Variants in EHF observed in about 807,000 individuals in gnomAD.
EHF encodes the protein ESE3 transcription factor.
EHF carries 14 observed loss-of-function variants against 45.1 expected under a neutral mutation model. That is an observed-to-expected ratio of 0.31 (90% confidence interval 0.21 to 0.49). The LOEUF is 0.49. EHF is among the 20% of genes least tolerant of loss of function. The pLI is 0.99. For synonymous variants in EHF, 136 were observed against 131.8 expected (o/e 1.03, Z -0.22); for missense variants, 282 against 371.4 (o/e 0.76, Z 1.98).
intron 2 of EHF, among the ~76,000 whole-genome samples, chr11:34,644,703 T>A (rs1297290440): frequency 6.6e-6 from 1 of 152,252 alleles, no homozygotes; most frequent in African/African-American, 2.4e-5. Context: ...CAGTCTCTCC[T>A]CTGAGGGTGT....
intron 1 of EHF, among the ~76,000 whole-genome samples, chr11:34,641,442 G>A (rs564395759): frequency 2.9e-4 from 44 of 152,274 alleles, no homozygotes; most frequent in Admixed American, 2.5e-3. Flanking sequence ...AAGAGGAGCC[G>A]TAGCTAAATT....
intron 1 of EHF, chr11:34,632,583 C>T: frequency 6.5e-7 from 1 of 1,535,578 alleles, no homozygotes; most frequent in Non-Finnish European, 8.7e-7. Context: ...TCTGTGAAGG[C>T]AAGGGCATGG....
chr11:34,662,390 T>A lies in EHF; in HGVS notation c.*3459T>A, dbSNP rs1240848788. Among the ~76,000 whole-genome samples the A allele has an allele frequency of 1.3e-5, 2 of 152,034 alleles. No individual in the cohort carries two copies. The highest frequency in any genetic ancestry group is 4.8e-5 in the African/African-American group (2 of 41,424). On this transcript the variant is annotated 3_prime_UTR_variant, in exon 9 of 9. Coordinates refer to ENST00000257831, the MANE Select transcript of EHF (RefSeq NM_012153.6). ...AAAACAGGCCGTTGGGTTCCACAAGTCAATATATGTTGGATGAGGATTCTG... is the reference window on the plus strand; with the variant it reads ...AAAACAGGCCGTTGGGTTCCACAAGACAATATATGTTGGATGAGGATTCTG...
intron 1 of EHF, among the ~76,000 whole-genome samples, chr11:34,625,519 C>T (rs1852305818): frequency 6.6e-6 from 1 of 152,186 alleles, no homozygotes; most frequent in Admixed American, 6.5e-5. Flanking sequence ...ACTCACTTCT[C>T]CTAGAGGAAG....
chr11:34,647,346 G>C (rs1478737227), intron 3 of EHF, among the ~76,000 whole-genome samples: 1 of 152,180 alleles, frequency 6.6e-6, no homozygotes, highest in Admixed American at 6.5e-5. Context: ...GTCTCTCTGA[G>C]GCTTCCCCTA....
rs954281508 is a variant in EHF, at chr11:34,660,215, A to G, written c.*1284A>G. 1 of 152,170 alleles carries G rather than the reference A, an allele frequency of 6.6e-6. No homozygotes were observed. Among genetic ancestry groups the G allele is most frequent in the Non-Finnish European group, 1.5e-5 (1 of 68,018 alleles). The allele number at this position is 152,170 out of a possible 1,614,324, so 9.4% of individuals were successfully genotyped here. A position where few individuals can be genotyped will look rare whatever the true frequency, so the allele number is the denominator to read the frequency against. The stretch of plus-strand genomic sequence containing the variant: ...CAATGTCAGATAAAGTAAGCATAGT[A>G]ATGTAGCAGGAACTACAATAGAAGA... On this transcript the variant is annotated 3_prime_UTR_variant, in exon 9 of 9. Coordinates refer to ENST00000257831, the MANE Select transcript of EHF (RefSeq NM_012153.6).
At chr11:34,639,282 G>A (rs1483463866) in intron 1 of EHF, among the ~76,000 whole-genome samples, 1 of 152,124 alleles carries the variant, frequency 6.6e-6, no homozygotes, top group African/African-American at 2.4e-5. Context: ...AAAGTAGGGA[G>A]CTGAAATAAG....
At chr11:34,648,254 A>G (rs1437868951) in intron 3 of EHF, among the ~76,000 whole-genome samples, 1 of 152,184 alleles carries the variant, frequency 6.6e-6, no homozygotes, top group African/African-American at 2.4e-5. Flanking sequence ...GGGAAGACTG[A>G]ATGTCAGAGA....
chr11:34,643,064 G>GA (rs2134109265), intron 2 of EHF, among the ~76,000 whole-genome samples: 1 of 137,840 alleles, frequency 7.3e-6, no homozygotes, highest in South Asian at 2.3e-4. Context: ...AGGAGAGAAA[G>GA]GGTATGTGTG....
intron 1 of EHF, among the ~76,000 whole-genome samples, chr11:34,641,644 G>A (rs965104836): frequency 6.6e-6 from 1 of 152,142 alleles, no homozygotes. Context: ...CAGCCTCTGG[G>A]TATTGCCCAA....
intron 1 of EHF, among the ~76,000 whole-genome samples, chr11:34,636,249 C>G (rs1853391729): frequency 1.3e-5 from 2 of 152,242 alleles, no homozygotes; most frequent in African/African-American, 4.8e-5. Context: ...TTCGACAACA[C>G]TTTTCATGTC....
rs543810308 is a variant in EHF at position 34,651,584 on chromosome 11, A to G, written c.449A>G (p.Tyr150Cys). The G allele has an allele frequency of 1.2e-6, 2 of 1,614,038 alleles. No individual in the cohort carries two copies. Among genetic ancestry groups the G allele is most frequent in the South Asian group, 1.1e-5 (1 of 91,082 alleles). Residue 150 changes from tyrosine to cysteine, a missense_variant, in exon 5 of 9, where the codon TAT (tyrosine) becomes TGT (cysteine). Around this residue, in one of 3 missense-constraint regions of EHF, gnomAD observed 213 missense variants for 247.3 expected, o/e 0.86. Transcript: ENST00000257831. Reference protein sequence around the residue: ...MNTWKDENYLYDTNYGSTVDL... With the variant: ...MNTWKDENYLCDTNYGSTVDL... ...ACCTGGAAAGACGAGAACTATTTAT[A>G]TGACACCAACTATGGTAGCACAGTA...
At chr11:34,629,657 G>A (rs1223971815) in intron 1 of EHF, among the ~76,000 whole-genome samples, 1 of 152,180 alleles carries the variant, frequency 6.6e-6, no homozygotes, top group Non-Finnish European at 1.5e-5. Context: ...ACGTAGTGAT[G>A]GTGGAAGAGG....
intron 2 of EHF, among the ~76,000 whole-genome samples, chr11:34,646,054 G>A (rs963799933): frequency 6.6e-6 from 1 of 151,656 alleles, no homozygotes; most frequent in African/African-American, 2.4e-5. Flanking sequence ...GTGTGTGTGT[G>A]TGTGTGTGTG....
chr11:34,658,494 C>G, intron 7 of EHF, 39 bp from the exon 8 acceptor site: 1 of 1,574,048 alleles, frequency 6.4e-7, no homozygotes, highest in Non-Finnish European at 8.7e-7. Flanking sequence ...TTTGCTGTGA[C>G]TTAGATCATT....
chr11:34,625,304 G>A (rs968224475), intron 1 of EHF, among the ~76,000 whole-genome samples: 1 of 152,214 alleles, frequency 6.6e-6, no homozygotes, highest in African/African-American at 2.4e-5. Context: ...GAATGTAGAA[G>A]TGGATGAAAC....
At chr11:34,629,380 A>G (rs1401838297) in intron 1 of EHF, among the ~76,000 whole-genome samples, 2 of 152,214 alleles carry the variant, frequency 1.3e-5, no homozygotes, top group Non-Finnish European at 2.9e-5. Context: ...TTCTGGAAGG[A>G]AAAATGAGAC....
At chr11:34,647,030 G>T in intron 3 of EHF, 17 of 220,440 alleles carry the variant, frequency 7.7e-5, no homozygotes, top group East Asian at 1.7e-4. Flanking sequence ...TTGTTAAAAA[G>T]ATCATCATGG....
At chr11:34,639,793 A>G (rs1720093870) in intron 1 of EHF, among the ~76,000 whole-genome samples, 1 of 152,222 alleles carries the variant, frequency 6.6e-6, no homozygotes, top group East Asian at 1.9e-4. Context: ...TTGGAAAGGG[A>G]GTGCCAGCAG....
Sources: gnomAD v4.1 joint callset for allele counts (sites outside exome capture counted in the v4.1 genomes callset) on GRCh38, gnomAD v4.1.1 for gene constraint, gnomAD v4.1.1 regional missense constraint, MANE v1.5 for transcripts, NCBI Gene and HGNC (gene_info 2026-07-23, HGNC 2026-07-21) for gene names.